ERMAP: variants seen among roughly 807,000 people sequenced by gnomAD.
ERMAP encodes erythroid membrane-associated protein.
Under a neutral mutation model 49.5 loss-of-function variants are expected in ERMAP, and 34 were observed. The ratio of observed to expected loss-of-function variants is 0.69; its 90% CI spans 0.52 to 0.91. The LOEUF (loss-of-function observed/expected upper bound fraction) is 0.91, where lower values mean the gene tolerates loss of function less well. Among genes scored for constraint, ERMAP ranks in the 40% least tolerant of loss-of-function variants. The pLI is 0.00. For synonymous variants in ERMAP, 214 were observed against 232.2 expected (o/e 0.92, Z 0.71); for missense variants, 541 against 582.6 (o/e 0.93, Z 0.74).
chr1:42,831,113 CA>C lies in ERMAP; in HGVS notation c.432del (p.Ala145ProfsTer16), dbSNP rs1331459012. The C allele has an allele frequency of 6.2e-7, 1 of 1,613,742 alleles. No homozygotes were observed. The highest frequency in any genetic ancestry group is 2.2e-5 in the East Asian group (1 of 44,882). ...SKEDTVILQV[A>X]APSVGSLSPS... ...GAGGACACCGTGATCCTGCAGGTTG[CA>C]GGTTAGAATGGGTTTGAGGTGCCCA... On this transcript the variant is annotated frameshift_variant and splice_region_variant, in exon 4 of 12. Transcript: ENST00000372517. LOFTEE classifies it high-confidence loss of function.
intron 8 of ERMAP, 168 bp downstream of exon 8, chr1:42,839,089 C>T: frequency 1.1e-6 from 1 of 924,126 alleles, no homozygotes; most frequent in Non-Finnish European, 1.7e-6. Flanking sequence ...CTCAAGTATT[C>T]TCTGCTCCTC....
intron 1 of ERMAP, among the ~76,000 whole-genome samples, chr1:42,820,870 T>C (rs1654387360): frequency 1.3e-5 from 2 of 152,208 alleles, no homozygotes; most frequent in African/African-American, 4.8e-5. Flanking sequence ...ACAGCTACCA[T>C]TGAGTATCAG....
chr1:42,832,179 ATTTTTTTTTTTTTTT>A (rs75673269), intron 4 of ERMAP, among the ~76,000 whole-genome samples: 3 of 96,760 alleles, frequency 3.1e-5, no homozygotes, highest in East Asian at 4.4e-4. Flanking sequence ...GTGAAAATTA[ATTTTTTTTTTTTTTT>A]TTTTTTTTTT....
chr1:42,838,240 G>A (rs1006288697), intron 7 of ERMAP, among the ~76,000 whole-genome samples: 1 of 152,188 alleles, frequency 6.6e-6, no homozygotes, highest in African/African-American at 2.4e-5. Flanking sequence ...GAGCCGTGTC[G>A]TATTCGGCTG....
In ERMAP at chr1:42,840,194, T is replaced by C; in HGVS notation, c.685+16T>C. On this transcript the variant is annotated intron_variant, in intron 10 of 11. Coordinates refer to ENST00000372517, the MANE Select transcript of ERMAP (RefSeq NM_001017922.2). ...GCAAACTCAGGTGAGATGCACTTTC[T>C]CCACATTTGACCACCACCCTACAGG... 1.9e-6 allele frequency: 3 copies of C among 1,614,158 alleles called. No individual in the cohort carries two copies. Among genetic ancestry groups the C allele is most frequent in the African/African-American group, 2.7e-5 (2 of 75,052 alleles).
chr1:42,838,902 A>G lies in ERMAP; in HGVS notation c.618A>G (p.Gly206=). ...NLLSDHAKEK[G]KLHKAVKKLR... ...CTTCTCTCTCTTTCTGGTTTTTAGG[A>G]AAACTCCATAAAGCTGTCAGTAAGT... is the stretch of plus-strand genomic sequence containing the variant. Residue 206 remains glycine, a splice_region_variant and synonymous_variant, in exon 8 of 12, where the codon GGA becomes GGG. Transcript: ENST00000372517. 2 of 1,614,156 alleles carry G rather than the reference A, an allele frequency of 1.2e-6. No individual in the cohort carries two copies. Among genetic ancestry groups the G allele is most frequent in the Non-Finnish European group, 1.7e-6 (2 of 1,180,014 alleles).
chr1:42,833,649 G>C (rs1335081363), intron 4 of ERMAP, among the ~76,000 whole-genome samples: 1 of 152,022 alleles, frequency 6.6e-6, no homozygotes, highest in African/African-American at 2.4e-5. Context: ...AAGTGATTTT[G>C]ATTTTTTTTT....
rs754010719 is a variant in ERMAP, at chr1:42,842,530, G to A, written c.726G>A (p.Leu242=). Residue 242 remains leucine (L), a synonymous_variant, in exon 12 of 12, where the codon CTG becomes CTA. Coordinates refer to ENST00000372517, the MANE Select transcript of ERMAP (RefSeq NM_001017922.2). Reference sequence around the variant, plus strand: ...GTCTCTTTGCAGTGGCAGTGACCCTGGACCCAGACACAGCACATCCCAAAC... The same window carrying A: ...GTCTCTTTGCAGTGGCAGTGACCCTAGACCCAGACACAGCACATCCCAAAC... ...RARLHFVAVT[L]DPDTAHPKLI... 1.3e-5 allele frequency: 21 copies of A among 1,613,008 alleles called. No individual in the cohort carries two copies. The East Asian group carries it at 4.7e-4, about 36-fold the overall frequency.
intron 1 of ERMAP, among the ~76,000 whole-genome samples, chr1:42,818,597 A>T (rs1201723361): frequency 3.3e-5 from 5 of 152,132 alleles, no homozygotes. Flanking sequence ...CCTCCAAAGT[A>T]TCTGGGACTA....
intron 2 of ERMAP, 64 bp downstream of exon 2, chr1:42,825,802 A>G (rs1035165250): frequency 3.1e-6 from 4 of 1,285,664 alleles, no homozygotes; most frequent in Non-Finnish European, 4.1e-6. Flanking sequence ...CCTCAGGTTT[A>G]GTAGAGAAAT....
chr1:42,830,447 G>A lies in ERMAP; in HGVS notation c.-2G>A, dbSNP rs12124733. On this transcript the variant is annotated 5_prime_UTR_variant, in exon 3 of 12. Coordinates refer to ENST00000372517, the MANE Select transcript of ERMAP (RefSeq NM_001017922.2). ...TGTCTCCCTCTGTCTGTCCTAGTTC[G>A]GATGGAGATGGCGAGTTCTGCTGGC... 355,341 of 1,612,754 alleles carry A rather than the reference G, an allele frequency of 0.22. 43,690 individuals carry two copies. Among genetic ancestry groups the A allele is most frequent in the African/African-American group, 0.43 (32,318 of 74,826 alleles).
intron 1 of ERMAP, chr1:42,824,747 C>G (rs1654494585): frequency 6.6e-6 from 1 of 152,296 alleles, no homozygotes. Context: ...CAGCTCAGAG[C>G]TGAAGGTGCA....
chr1:42,844,444 T>A lies in ERMAP; in HGVS notation c.*1212T>A, dbSNP rs1390513381. ...TTAGTTCCTGTATTAGTCAAGGTTT[T>A]CCAGAGAAACAGAATCAATATATAT... is the stretch of plus-strand genomic sequence containing the variant. On this transcript the variant is annotated 3_prime_UTR_variant, in exon 12 of 12. Coordinates refer to ENST00000372517, the MANE Select transcript of ERMAP (RefSeq NM_001017922.2). The surrounding 1 kb of genome is among the most constrained non-coding windows in gnomAD (Gnocchi z 4.0). The A allele has an allele frequency of 1.8e-5, 4 of 224,390 alleles. No homozygotes were observed. The East Asian group carries it at 2.7e-4, about 15-fold the overall frequency. 13.9% of individuals were successfully genotyped at this position (224,390 alleles called of 1,614,324 possible).
At position 42,819,113 on chromosome 1, in the gene ERMAP, T is replaced by C. The variant is rs1340036513; in HGVS notation, c.-122+1860T>C. ...GGTGCCACTGAGCCACTGTTGAAAG[T>C]GGAGAAGGTGTGATGAGTTGGTTTG... is the stretch of plus-strand genomic sequence containing the variant. On this transcript the variant is annotated intron_variant, in intron 1 of 11. Coordinates refer to ENST00000372517, the MANE Select transcript of ERMAP (RefSeq NM_001017922.2). The surrounding 1 kb of genome is among the most constrained non-coding windows in gnomAD (Gnocchi z 5.1). Among the ~76,000 whole-genome samples, 2 of 150,610 alleles carry C rather than the reference T, an allele frequency of 1.3e-5. No homozygotes were observed. The highest frequency in any genetic ancestry group is 6.6e-5 in the Admixed American group (1 of 15,082).
chr1:42,830,609 A>C, intron 3 of ERMAP, 76 bp downstream of exon 3: 6 of 1,543,562 alleles, frequency 3.9e-6, no homozygotes, highest in Non-Finnish European at 5.4e-6. Context: ...GCTTGGCTGG[A>C]AACATTATGT....
chr1:42,824,140 C>G (rs1203378924), intron 1 of ERMAP, among the ~76,000 whole-genome samples: 1 of 151,806 alleles, frequency 6.6e-6, no homozygotes, highest in Non-Finnish European at 1.5e-5. Context: ...GTCAGGAGAT[C>G]AAGACCATCC....
chr1:42,826,344 A>C (rs1035999247), intron 2 of ERMAP, among the ~76,000 whole-genome samples: 1 of 152,074 alleles, frequency 6.6e-6, no homozygotes, highest in African/African-American at 2.4e-5. Flanking sequence ...ATCAAACAAA[A>C]AAAAAGGGAT....
At chr1:42,839,897 A>G in intron 8 of ERMAP, 136 bp from the exon 9 acceptor site, 2 of 877,630 alleles carry the variant, frequency 2.3e-6, no homozygotes. Context: ...TGCTCTTGCA[A>G]ACTCTTCTGG....
At chr1:42,840,796 T>C (rs983160265) in intron 11 of ERMAP, among the ~76,000 whole-genome samples, 4 of 152,208 alleles carry the variant, frequency 2.6e-5, no homozygotes, top group African/African-American at 9.7e-5. Flanking sequence ...TCTTCCATGC[T>C]TTCAGGTTTG....
Sources: allele counts gnomAD v4.1 joint callset (sites outside exome capture counted in the v4.1 genomes callset), GRCh38; gene constraint gnomAD v4.1.1; non-coding constraint Gnocchi (gnomAD v3.1); transcripts MANE v1.5; gene names NCBI Gene and HGNC (gene_info 2026-07-23, HGNC 2026-07-21).